Variants in VAV3 observed in about 807,000 individuals in gnomAD.
VAV3 encodes the protein guanine nucleotide exchange factor VAV3.
A neutral mutation model predicts 131.2 loss-of-function variants in VAV3; 94 were observed. The ratio of observed to expected loss-of-function variants is 0.72; its 90% CI spans 0.61 to 0.85. The LOEUF (loss-of-function observed/expected upper bound fraction) is 0.85, where lower values mean the gene tolerates loss of function less well. Among genes scored for constraint, VAV3 ranks in the 40% least tolerant of loss-of-function variants. The pLI, the probability that VAV3 is intolerant of heterozygous loss-of-function variation, is 0.00. For synonymous variants in VAV3, 349 were observed against 342.0 expected, an observed-to-expected ratio of 1.02 and a Z score of -0.22; for missense variants, 939 against 1,002.7, an observed-to-expected ratio of 0.94 and a Z score of 0.86.
At chr1:107,767,709 G>A (rs1168983899) in intron 7 of VAV3, among the ~76,000 whole-genome samples, 1 of 152,214 alleles carries the variant, frequency 6.6e-6, no homozygotes, top group African/African-American at 2.4e-5. Flanking sequence ...ATGTGTACAT[G>A]CGTGCATGGG....
chr1:107,711,790 C>T (rs1023700519), intron 15 of VAV3, among the ~76,000 whole-genome samples: 5 of 151,994 alleles, frequency 3.3e-5, no homozygotes, highest in East Asian at 3.9e-4. Flanking sequence ...CAGGTTCGAG[C>T]GATTCTCATG....
intron 20 of VAV3, among the ~76,000 whole-genome samples, chr1:107,619,517 T>C (rs1004170130): frequency 2.0e-5 from 3 of 152,134 alleles, no homozygotes; most frequent in Non-Finnish European, 4.4e-5. Flanking sequence ...ACTACAATGC[T>C]ACCTGAGTGC....
chr1:107,918,002 A>T lies in VAV3; in HGVS notation c.205-42985T>A, dbSNP rs560980210. On this transcript the variant is annotated intron_variant, in intron 1 of 26. Transcript: ENST00000370056. ...GTAGTAATAGAATAGAATAACAGTT[A>T]ATTATTTAATCGACAAATATTCTGT... Among the ~76,000 whole-genome samples the T allele has an allele frequency of 1.4e-4, 22 of 152,322 alleles. No individual in the cohort carries two copies. In the South Asian group the frequency reaches 4.4e-3, roughly 30 times the overall value.
At chr1:107,632,251 C>T (rs1654558982) in intron 20 of VAV3, among the ~76,000 whole-genome samples, 1 of 152,112 alleles carries the variant, frequency 6.6e-6, no homozygotes, top group Non-Finnish European at 1.5e-5. Context: ...TTTATAAAAT[C>T]TACTTATGCC....
At chr1:107,838,328 A>G (rs965841716) in intron 2 of VAV3, among the ~76,000 whole-genome samples, 4 of 152,206 alleles carry the variant, frequency 2.6e-5, no homozygotes. Flanking sequence ...AAGAGAACAC[A>G]CAAGTCTCCA....
chr1:107,736,708 C>G (rs1432134613), intron 15 of VAV3, among the ~76,000 whole-genome samples: 1 of 151,650 alleles, frequency 6.6e-6, no homozygotes, highest in Non-Finnish European at 1.5e-5. Context: ...TAAAAGAAGA[C>G]ACAAACAAAT....
intron 1 of VAV3, among the ~76,000 whole-genome samples, chr1:107,951,800 T>C (rs1255200322): frequency 3.4e-5 from 5 of 145,540 alleles, no homozygotes; most frequent in Admixed American, 6.7e-5. Context: ...GAATGGCTAT[T>C]ATCAAAAAGT....
At chr1:107,890,082 A>C (rs1223101682) in intron 1 of VAV3, among the ~76,000 whole-genome samples, 1 of 152,100 alleles carries the variant, frequency 6.6e-6, no homozygotes, top group Non-Finnish European at 1.5e-5. Context: ...TCTTAATTTT[A>C]TAAAAATAAA....
rs895650799 is a variant in VAV3 at position 107,862,489 on chromosome 1, C to T, written c.321+12412G>A. Among the ~76,000 whole-genome samples the T allele has an allele frequency of 1.3e-5, 2 of 151,526 alleles. 1 individual carries two copies. Among genetic ancestry groups the T allele is most frequent in the Non-Finnish European group, 2.9e-5 (2 of 67,820 alleles). ...GGAGATCTTGTTGATAGGAAATACA[C>T]AGGCACAACAGTCAAAGGCCAAGAG... On this transcript the variant is annotated intron_variant, in intron 2 of 26. Coordinates refer to ENST00000370056, the MANE Select transcript of VAV3 (RefSeq NM_006113.5).
At chr1:107,652,172 G>A (rs754040943) in intron 19 of VAV3, among the ~76,000 whole-genome samples, 3 of 152,064 alleles carry the variant, frequency 2.0e-5, no homozygotes, top group African/African-American at 7.2e-5. Context: ...TAAAGAAGCC[G>A]GCTAAATCTC....
At chr1:107,765,308 A>G in intron 8 of VAV3, 133 bp from the exon 9 acceptor site, 1 of 686,010 alleles carries the variant, frequency 1.5e-6, no homozygotes. Context: ...ATTATTTTTA[A>G]TACATACCAC....
chr1:107,801,823 T>C (rs985832268), intron 2 of VAV3, among the ~76,000 whole-genome samples: 1 of 152,188 alleles, frequency 6.6e-6, no homozygotes, highest in African/African-American at 2.4e-5. Context: ...TTAAATTTAA[T>C]TCACCTGAAG....
intron 25 of VAV3, among the ~76,000 whole-genome samples, chr1:107,590,643 G>A (rs1650874203): frequency 6.6e-6 from 1 of 152,094 alleles, no homozygotes; most frequent in African/African-American, 2.4e-5. Flanking sequence ...TCTTAAATCT[G>A]TTCTATCTCT....
intron 2 of VAV3, among the ~76,000 whole-genome samples, chr1:107,808,262 C>A (rs1368416096): frequency 6.6e-6 from 1 of 151,978 alleles, no homozygotes; most frequent in Non-Finnish European, 1.5e-5. Context: ...TATTATTGAA[C>A]ACAGAAATGA....
chr1:107,880,052 A>T (rs1670691676), intron 1 of VAV3, among the ~76,000 whole-genome samples: 1 of 152,236 alleles, frequency 6.6e-6, no homozygotes, highest in East Asian at 1.9e-4. Flanking sequence ...AGCAAACATG[A>T]TCCAGACTCT....
At chr1:107,592,180 A>G (rs1475384336) in intron 25 of VAV3, among the ~76,000 whole-genome samples, 2 of 151,912 alleles carry the variant, frequency 1.3e-5, no homozygotes, top group Admixed American at 6.6e-5. Flanking sequence ...AGTTCCTCAG[A>G]CTTTTTCTTT....
intron 1 of VAV3, among the ~76,000 whole-genome samples, chr1:107,897,016 A>G (rs1306199591): frequency 6.6e-6 from 1 of 151,958 alleles, no homozygotes; most frequent in South Asian, 2.1e-4. Context: ...CTTTCACCCA[A>G]AGAAATCCAC....
chr1:107,872,497 T>C (rs2101013639), intron 2 of VAV3, among the ~76,000 whole-genome samples: 1 of 152,306 alleles, frequency 6.6e-6, no homozygotes, highest in East Asian at 1.9e-4. Flanking sequence ...ATCCACATCC[T>C]GTTAAAATGT....
intron 19 of VAV3, among the ~76,000 whole-genome samples, chr1:107,680,805 G>C (rs546462775): frequency 3.9e-5 from 6 of 152,164 alleles, no homozygotes; most frequent in Non-Finnish European, 8.8e-5. Context: ...ATGGCACAGA[G>C]AGAGGAGGCA....
Sources: gnomAD v4.1 joint callset for allele counts (sites outside exome capture counted in the v4.1 genomes callset) on GRCh38, gnomAD v4.1.1 for gene constraint, MANE v1.5 for transcripts, NCBI Gene and HGNC (gene_info 2026-07-23, HGNC 2026-07-21) for gene names.